Variants in MAN1A2 observed in about 807,000 individuals in gnomAD.
The protein encoded by MAN1A2 is mannosidase alpha class 1A member 2, also known as mannosyl-oligosaccharide 1,2-alpha-mannosidase IB.
MAN1A2 carries 26 observed loss-of-function variants against 75.7 expected under a neutral mutation model. The observed-to-expected ratio is 0.34, with a 90% CI of 0.25 to 0.48. The LOEUF is 0.48. Among genes scored for constraint, MAN1A2 ranks in the 20% least tolerant of loss-of-function variants. The pLI is 0.99. For synonymous variants in MAN1A2, 247 were observed against 264.6 expected, an observed-to-expected ratio of 0.93 and a Z score of 0.65; for missense variants, 562 against 775.5, an observed-to-expected ratio of 0.72 and a Z score of 3.27.
chr1:117,427,817 AT>A (rs1449672880), intron 5 of MAN1A2, among the ~76,000 whole-genome samples: 1 of 152,202 alleles, frequency 6.6e-6, no homozygotes, highest in Non-Finnish European at 1.5e-5. Flanking sequence ...CTTTTTCAAA[AT>A]TTCTTTAAAA....
Position 117,496,689 on chromosome 1 carries a change from G to A in MAN1A2, c.1285-74G>A, listed in dbSNP as rs1423707409. ...TATCATATTACCCAGGTTTTATAAT[G>A]GCCAGAAGGATATAGTAAGTTTGAA... On this transcript the variant is annotated intron_variant, in intron 9 of 12. Transcript: ENST00000356554. 14 of 1,080,826 alleles carry A rather than the reference G, an allele frequency of 1.3e-5. No individual in the cohort carries two copies. In the South Asian group the frequency reaches 1.9e-4, roughly 14 times the overall value. 67.0% of individuals were successfully genotyped at this position (1,080,826 alleles called of 1,614,324 possible).
At chr1:117,477,246 A>C (rs1650343324) in intron 8 of MAN1A2, among the ~76,000 whole-genome samples, 1 of 152,032 alleles carries the variant, frequency 6.6e-6, no homozygotes, top group South Asian at 2.1e-4. Context: ...AAACTAATCC[A>C]AACAGTAGAA....
intron 1 of MAN1A2, among the ~76,000 whole-genome samples, chr1:117,397,645 CTTT>C (rs34594031): frequency 2.4e-3 from 253 of 105,882 alleles, no homozygotes; most frequent in Non-Finnish European, 3.0e-3. Context: ...TTATAACCCC[CTTT>C]TTTTTTTTTT....
At chr1:117,518,516 T>G (rs765897199) in intron 12 of MAN1A2, among the ~76,000 whole-genome samples, 3 of 151,468 alleles carry the variant, frequency 2.0e-5, no homozygotes, top group Non-Finnish European at 4.4e-5. Context: ...AAAAAAACAG[T>G]AAAGAAGAAA....
intron 6 of MAN1A2, among the ~76,000 whole-genome samples, chr1:117,446,919 A>G (rs557737557): frequency 2.6e-5 from 4 of 151,890 alleles, no homozygotes; most frequent in Non-Finnish European, 4.4e-5. Flanking sequence ...ATTTCTGTCA[A>G]TTTTTTGCTT....
Position 117,466,331 on chromosome 1 carries a change from C to G in MAN1A2, c.1075-3C>G. ...ATTGCATTCTTAATTTTATTTTACT[C>G]AGGTTATGCACATTCGGAAACTACT... On this transcript the variant is annotated splice_region_variant and splice_polypyrimidine_tract_variant and intron_variant, in intron 7 of 12. Transcript: ENST00000356554. 6.4e-7 allele frequency: 1 copy of G among 1,571,574 alleles called. No homozygotes were observed. Among genetic ancestry groups the G allele is most frequent in the Non-Finnish European group, 8.7e-7 (1 of 1,151,510 alleles).
At chr1:117,424,496 C>T (rs1367354070) in intron 5 of MAN1A2, among the ~76,000 whole-genome samples, 2 of 152,198 alleles carry the variant, frequency 1.3e-5, no homozygotes, top group Admixed American at 1.3e-4. Flanking sequence ...CTTTCTGTGC[C>T]CTGGAACGAA....
intron 8 of MAN1A2, among the ~76,000 whole-genome samples, chr1:117,474,344 C>T (rs949718285): frequency 2.1e-4 from 32 of 151,254 alleles, no homozygotes; most frequent in African/African-American, 7.3e-4. Context: ...TTACTATAAA[C>T]GTACAATTTC....
At chr1:117,472,435 C>A (rs1650189897) in intron 8 of MAN1A2, among the ~76,000 whole-genome samples, 1 of 151,942 alleles carries the variant, frequency 6.6e-6, no homozygotes, top group African/African-American at 2.4e-5. Context: ...TTCACTGATA[C>A]TAAATATCAA....
At chr1:117,385,887 G>A (rs900503544) in intron 1 of MAN1A2, among the ~76,000 whole-genome samples, 1 of 152,190 alleles carries the variant, frequency 6.6e-6, no homozygotes, top group Admixed American at 6.5e-5. Context: ...CACTGTCAGT[G>A]CTGCTGATTA....
intron 5 of MAN1A2, among the ~76,000 whole-genome samples, chr1:117,441,192 C>T (rs1309444057): frequency 6.6e-6 from 1 of 152,022 alleles, no homozygotes; most frequent in Non-Finnish European, 1.5e-5. Flanking sequence ...AATGGGGATG[C>T]ATTACCTCTA....
chr1:117,412,137 A>G (rs867003052), intron 3 of MAN1A2, among the ~76,000 whole-genome samples: 9 of 151,930 alleles, frequency 5.9e-5, no homozygotes, highest in African/African-American at 7.2e-5. Flanking sequence ...TAGTCATTCT[A>G]TGAAACTTCT....
At chr1:117,405,748 G>C in intron 3 of MAN1A2, 103 bp downstream of exon 3, 1 of 762,370 alleles carries the variant, frequency 1.3e-6, no homozygotes, top group South Asian at 1.5e-5. Context: ...TATTTCTGTG[G>C]AACTATAATT....
At chr1:117,452,551 A>G (rs1054369960) in intron 6 of MAN1A2, among the ~76,000 whole-genome samples, 2 of 152,242 alleles carry the variant, frequency 1.3e-5, no homozygotes, top group Non-Finnish European at 2.9e-5. Context: ...TGTATAGAAG[A>G]TGAAACCAGC....
rs1652799745 is a variant in MAN1A2, at chr1:117,367,475, G to C, written c.-709G>C. 1 of 153,450 alleles carries C rather than the reference G, an allele frequency of 6.5e-6. No homozygotes were observed. Among genetic ancestry groups the C allele is most frequent in the African/African-American group, 2.4e-5 (1 of 41,328 alleles). 9.5% of individuals were successfully genotyped at this position (153,450 alleles called of 1,614,324 possible). Reference sequence around the variant, plus strand: ...GACCCGTGCGGTAGCAACAGCGGCGGCGGCCGCGGCGGCTGGCCGGACTCA... The same window carrying C: ...GACCCGTGCGGTAGCAACAGCGGCGCCGGCCGCGGCGGCTGGCCGGACTCA... On this transcript the variant is annotated 5_prime_UTR_variant, in exon 1 of 13. Coordinates refer to ENST00000356554, the MANE Select transcript of MAN1A2 (RefSeq NM_006699.5).
At chr1:117,514,627 C>G (rs889839505) in intron 12 of MAN1A2, among the ~76,000 whole-genome samples, 7 of 152,096 alleles carry the variant, frequency 4.6e-5, no homozygotes, top group African/African-American at 1.7e-4. Flanking sequence ...AGTTCAGAGA[C>G]AACTCTGTTA....
chr1:117,382,535 A>G (rs563742126), intron 1 of MAN1A2, among the ~76,000 whole-genome samples: 97 of 152,132 alleles, frequency 6.4e-4, no homozygotes, highest in Non-Finnish European at 1.1e-3. Flanking sequence ...TGTTCCATTG[A>G]TCTATATCTC....
chr1:117,376,242 G>A lies in MAN1A2; in HGVS notation c.302+7757G>A, dbSNP rs142664714. Among the ~76,000 whole-genome samples the A allele has an allele frequency of 6.5e-3, 990 of 152,328 alleles. 6 individuals are homozygous for A. The highest frequency in any genetic ancestry group is 0.022 in the African/African-American group (935 of 41,566). ...TATGTATTTCTAATATACGGTCTGG[G>A]TTATCTGGTATAAGGAAGATGGATG... On this transcript the variant is annotated intron_variant, in intron 1 of 12. Transcript: ENST00000356554.
chr1:117,391,383 A>T (rs1653713594), intron 1 of MAN1A2, among the ~76,000 whole-genome samples: 1 of 152,166 alleles, frequency 6.6e-6, no homozygotes, highest in Non-Finnish European at 1.5e-5. Context: ...TGAGTGAAGG[A>T]TGTTGAAATT....
Sources: gnomAD v4.1 joint callset for allele counts (sites outside exome capture counted in the v4.1 genomes callset) on GRCh38, gnomAD v4.1.1 for gene constraint, MANE v1.5 for transcripts, NCBI Gene and HGNC (gene_info 2026-07-23, HGNC 2026-07-21) for gene names.